TMEM45A: variants seen among roughly 807,000 people sequenced by gnomAD.
TMEM45A encodes the protein transmembrane protein 45A, also known as DNA polymerase-transactivated protein 4.
Under a neutral mutation model 32.0 loss-of-function variants are expected in TMEM45A, and 25 were observed. The ratio of observed to expected loss-of-function variants is 0.78; its 90% CI spans 0.57 to 1.09. The LOEUF is 1.09. Ranked by LOEUF, TMEM45A falls within the 50% of genes least tolerant of loss-of-function variation. The pLI, the probability that TMEM45A is intolerant of heterozygous loss-of-function variation, is 0.00. For missense variants in TMEM45A, 302 were observed against 325.0 expected (o/e 0.93, Z 0.54); for synonymous variants, 122 against 114.8 (o/e 1.06, Z -0.40).
intron 1 of TMEM45A, among the ~76,000 whole-genome samples, chr3:100,549,960 G>A (rs939364633): frequency 6.8e-6 from 1 of 147,304 alleles, no homozygotes. Context: ...TCTTAATCCA[G>A]TCTATCGTTG....
chr3:100,512,819 A>G (rs997344077), intron 1 of TMEM45A, among the ~76,000 whole-genome samples: 19 of 151,734 alleles, frequency 1.3e-4, no homozygotes, highest in African/African-American at 4.6e-4. Context: ...CAGAAATACA[A>G]ACTACCATCA....
At chr3:100,531,983 C>A (rs1705656819) in intron 1 of TMEM45A, among the ~76,000 whole-genome samples, 1 of 152,122 alleles carries the variant, frequency 6.6e-6, no homozygotes, top group Non-Finnish European at 1.5e-5. Flanking sequence ...GTGATTTGGG[C>A]CAACATACTG....
chr3:100,522,753 C>T (rs766463209), intron 1 of TMEM45A, among the ~76,000 whole-genome samples: 6 of 152,164 alleles, frequency 3.9e-5, no homozygotes, highest in Non-Finnish European at 8.8e-5. Flanking sequence ...CCACTGGGGG[C>T]ACACAGGTAT....
intron 4 of TMEM45A, among the ~76,000 whole-genome samples, chr3:100,563,288 G>A (rs2148989428): frequency 6.6e-6 from 1 of 152,284 alleles, no homozygotes; most frequent in African/African-American, 2.4e-5. Context: ...TGGGTTTAGA[G>A]CCAACTCTAA....
chr3:100,524,662 C>A (rs1705507152), intron 1 of TMEM45A, among the ~76,000 whole-genome samples: 1 of 152,200 alleles, frequency 6.6e-6, no homozygotes. Flanking sequence ...TGTCCCCACA[C>A]CATTTCCAGG....
At chr3:100,523,215 GTTGTCTGTTTGT>G (rs1705470147) in intron 1 of TMEM45A, among the ~76,000 whole-genome samples, 1 of 152,144 alleles carries the variant, frequency 6.6e-6, no homozygotes, top group African/African-American at 2.4e-5. Flanking sequence ...TTCTGCTGAT[GTTGTCTGTTTGT>G]GTTGCCGTGA....
chr3:100,543,240 T>A (rs975998386), intron 1 of TMEM45A, among the ~76,000 whole-genome samples: 8 of 152,202 alleles, frequency 5.3e-5, no homozygotes, highest in African/African-American at 1.9e-4. Flanking sequence ...ATATTATTTA[T>A]TCATTTCTCT....
chr3:100,519,620 G>C, intron 1 of TMEM45A: 1 of 1,550,636 alleles, frequency 6.4e-7, no homozygotes, highest in Non-Finnish European at 8.7e-7. Flanking sequence ...TTAGTTTGGC[G>C]TTTCTGCAGT....
chr3:100,519,639 G>A, intron 1 of TMEM45A: 1 of 1,548,276 alleles, frequency 6.5e-7, no homozygotes, highest in African/African-American at 1.4e-5. Flanking sequence ...GTAACCTTTG[G>A]TGTGATAATG....
chr3:100,505,245 C>T (rs544189098), intron 1 of TMEM45A, among the ~76,000 whole-genome samples: 1 of 152,296 alleles, frequency 6.6e-6, no homozygotes, highest in Middle Eastern at 3.4e-3. Context: ...ACGTGCTCTA[C>T]CATGGCAATG....
chr3:100,518,776 C>G (rs578146756), intron 1 of TMEM45A, among the ~76,000 whole-genome samples: 1 of 152,226 alleles, frequency 6.6e-6, no homozygotes, highest in South Asian at 2.1e-4. Context: ...ATGAGATGGT[C>G]GGCTTAGGTT....
At chr3:100,519,400 TG>T in intron 1 of TMEM45A, 1 of 635,462 alleles carries the variant, frequency 1.6e-6, no homozygotes, top group African/African-American at 1.8e-5. Context: ...TGTGTGTGTG[TG>T]TGTGTGTGTA....
chr3:100,529,425 T>A (rs1705607063), intron 1 of TMEM45A, among the ~76,000 whole-genome samples: 1 of 152,076 alleles, frequency 6.6e-6, no homozygotes, highest in African/African-American at 2.4e-5. Flanking sequence ...CTCAAAGAGG[T>A]CATCTCAGCA....
chr3:100,509,200 C>T (rs1316296806), intron 1 of TMEM45A, among the ~76,000 whole-genome samples: 1 of 152,114 alleles, frequency 6.6e-6, no homozygotes. Context: ...TATCACTAAT[C>T]ATTAAAGAAC....
intron 4 of TMEM45A, among the ~76,000 whole-genome samples, chr3:100,564,835 G>A (rs1706397182): frequency 6.6e-6 from 1 of 152,210 alleles, no homozygotes; most frequent in Admixed American, 6.5e-5. Flanking sequence ...CTGGGAATTA[G>A]AGATGTGGCT....
chr3:100,557,805 A>G (rs1706253514), intron 3 of TMEM45A, among the ~76,000 whole-genome samples: 1 of 152,200 alleles, frequency 6.6e-6, no homozygotes, highest in Non-Finnish European at 1.5e-5. Flanking sequence ...TCTTCATGAA[A>G]AAGATGAAGC....
chr3:100,548,865 C>A (rs149018127), intron 1 of TMEM45A, among the ~76,000 whole-genome samples: 32 of 152,272 alleles, frequency 2.1e-4, no homozygotes, highest in African/African-American at 7.7e-4. Context: ...AGTTTTCTTT[C>A]ATCATTTTTC....
chr3:100,575,363 C>CTCTTTTTTTTTTTTTTTTTTTTTT (rs1706660425), intron 5 of TMEM45A, among the ~76,000 whole-genome samples: 1 of 62,706 alleles, frequency 1.6e-5, no homozygotes, highest in African/African-American at 5.4e-5. Context: ...TATGGATTCT[C>CTCTTTTTTTTTTTTTTTTTTTTTT]TTTTTTTTTT....
At chr3:100,549,872 TC>T (rs1475575350) in intron 1 of TMEM45A, among the ~76,000 whole-genome samples, 2 of 151,806 alleles carry the variant, frequency 1.3e-5, no homozygotes, top group Non-Finnish European at 2.9e-5. Context: ...TCCAGTTTCA[TC>T]CATGTCCCTA....
Sources: allele counts gnomAD v4.1 joint callset (sites outside exome capture counted in the v4.1 genomes callset), GRCh38; gene constraint gnomAD v4.1.1; transcripts MANE v1.5; gene names NCBI Gene and HGNC (gene_info 2026-07-23, HGNC 2026-07-21).